SPIN1: variants seen among roughly 807,000 people sequenced by gnomAD.
SPIN1 encodes the protein spindlin 1.
A neutral mutation model predicts 26.0 loss-of-function variants in SPIN1; 3 were observed. The observed-to-expected ratio is 0.12, with a 90% CI of 0.05 to 0.30. SPIN1 has a LOEUF of 0.30. SPIN1 is among the 10% of genes least tolerant of loss of function. The pLI, the probability that SPIN1 is intolerant of heterozygous loss-of-function variation, is 1.00. For synonymous variants in SPIN1, 101 were observed against 116.5 expected (o/e 0.87, Z 0.86); for missense variants, 126 against 333.4 (o/e 0.38, Z 4.84).
chr9:88,419,072 G>C (rs1345796687), intron 1 of SPIN1: 1 of 152,218 alleles, frequency 6.6e-6, no homozygotes, highest in African/African-American at 2.4e-5. Context: ...CCTGGATACT[G>C]TTAGATAAGA....
chr9:88,470,622 T>G (rs922788815), intron 5 of SPIN1, among the ~76,000 whole-genome samples: 4 of 148,616 alleles, frequency 2.7e-5, no homozygotes, highest in Admixed American at 1.3e-4. Context: ...TGAGACAGAG[T>G]CTTGCTCTGT....
At chr9:88,430,470 C>A (rs1218948261) in intron 2 of SPIN1, among the ~76,000 whole-genome samples, 1 of 152,154 alleles carries the variant, frequency 6.6e-6, no homozygotes, top group Non-Finnish European at 1.5e-5. Flanking sequence ...AGGGAGGGAG[C>A]ATAGACACTA....
intron 1 of SPIN1, among the ~76,000 whole-genome samples, chr9:88,425,400 C>T (rs1827745072): frequency 6.6e-6 from 1 of 152,056 alleles, no homozygotes; most frequent in South Asian, 2.1e-4. Flanking sequence ...CTGCTTCTGG[C>T]AGGGTGCAGT....
chr9:88,401,499 A>G (rs12349098), intron 1 of SPIN1, among the ~76,000 whole-genome samples: 1,769 of 152,310 alleles, frequency 0.012, 30 homozygotes, highest in African/African-American at 0.041. Flanking sequence ...AAAATGGTGT[A>G]GTATTTGCAT....
chr9:88,425,492 A>T (rs1827746305), intron 1 of SPIN1, among the ~76,000 whole-genome samples: 1 of 152,088 alleles, frequency 6.6e-6, no homozygotes, highest in African/African-American at 2.4e-5. Flanking sequence ...ATCCTGACCA[A>T]CATGGTGAAA....
intron 5 of SPIN1, 34 bp from the exon 6 acceptor site, chr9:88,475,044 T>G (rs1292091675): frequency 2.2e-6 from 3 of 1,351,604 alleles, no homozygotes; most frequent in Non-Finnish European, 2.9e-6. Context: ...TTTCTCTCTC[T>G]CTCTTTTTTT....
chr9:88,405,574 G>A (rs528028060), intron 1 of SPIN1, among the ~76,000 whole-genome samples: 1 of 107,064 alleles, frequency 9.3e-6, no homozygotes, highest in East Asian at 2.6e-4. Context: ...ACAGAGTTTC[G>A]CTCTCGTTAC....
In SPIN1 at chr9:88,476,253, G is replaced by A. The variant is rs1828887402; in HGVS notation, c.*976G>A. 1 of 152,174 alleles carries A rather than the reference G, an allele frequency of 6.6e-6. No homozygotes were observed. The highest frequency in any genetic ancestry group is 1.5e-5 in the Non-Finnish European group (1 of 68,024). The allele number at this position is 152,174 out of a possible 1,614,324, so 9.4% of individuals were successfully genotyped here. On this transcript the variant is annotated 3_prime_UTR_variant, in exon 6 of 6. Transcript: ENST00000375859. ...AAAGGCAACAATCCATCACTGGTTT[G>A]TGTGTTTTTGGTTAAGTTTCTGGAA...
At chr9:88,460,847 C>T (rs1010200498) in intron 3 of SPIN1, among the ~76,000 whole-genome samples, 1 of 152,236 alleles carries the variant, frequency 6.6e-6, no homozygotes, top group Non-Finnish European at 1.5e-5. Flanking sequence ...AATCTAGGCA[C>T]TCTGTGGCAC....
At chr9:88,443,547 A>G (rs1385723311) in intron 2 of SPIN1, among the ~76,000 whole-genome samples, 2 of 152,184 alleles carry the variant, frequency 1.3e-5, no homozygotes, top group East Asian at 1.9e-4. Flanking sequence ...GTAGTTGGTA[A>G]TTCCCTGCCT....
rs564975678 is a variant in SPIN1 at position 88,423,668 on chromosome 9, G to A, written c.-158-2714G>A. Among the ~76,000 whole-genome samples the A allele has an allele frequency of 2.0e-5, 3 of 151,332 alleles. No homozygotes were observed. In the South Asian group the frequency reaches 6.3e-4, roughly 32 times the overall value. On this transcript the variant is annotated intron_variant, in intron 1 of 5. Coordinates refer to ENST00000375859, the MANE Select transcript of SPIN1 (RefSeq NM_006717.3). ...TGGCCTCAGGTGATCTGCCCACCTC[G>A]GTCCCCCAAAGTGCTGGGATTACAG...
chr9:88,433,617 GGATT>G (rs990067895), intron 2 of SPIN1, among the ~76,000 whole-genome samples: 37 of 152,210 alleles, frequency 2.4e-4, no homozygotes, highest in African/African-American at 8.4e-4. Context: ...CTTTGGAGAT[GGATT>G]GTCAGGTGTC....
chr9:88,421,313 G>A (rs1466493420), intron 1 of SPIN1, among the ~76,000 whole-genome samples: 1 of 152,080 alleles, frequency 6.6e-6, no homozygotes, highest in Non-Finnish European at 1.5e-5. Context: ...GTGTCTGTGT[G>A]TTTTTTCTTT....
intron 1 of SPIN1, among the ~76,000 whole-genome samples, chr9:88,420,619 A>G (rs954961608): frequency 5.3e-5 from 8 of 152,250 alleles, no homozygotes; most frequent in African/African-American, 1.9e-4. Flanking sequence ...CCAATTTAAA[A>G]GAGTTTATTT....
At chr9:88,409,290 C>T (rs921574357) in intron 1 of SPIN1, among the ~76,000 whole-genome samples, 33 of 151,902 alleles carry the variant, frequency 2.2e-4, no homozygotes, top group East Asian at 3.9e-4. Flanking sequence ...CCACTGTGCC[C>T]GGCCTGCTTT....
At chr9:88,451,440 CT>C (rs1002613098) in intron 3 of SPIN1, among the ~76,000 whole-genome samples, 3 of 152,100 alleles carry the variant, frequency 2.0e-5, no homozygotes, top group African/African-American at 7.2e-5. Flanking sequence ...TAGAAGCAAG[CT>C]TTTTTTTCCT....
At chr9:88,409,632 A>G (rs948425070) in intron 1 of SPIN1, among the ~76,000 whole-genome samples, 3 of 151,632 alleles carry the variant, frequency 2.0e-5, no homozygotes, top group African/African-American at 7.3e-5. Flanking sequence ...TCAGGAGATG[A>G]AGACTGTCCT....
intron 2 of SPIN1, among the ~76,000 whole-genome samples, chr9:88,432,611 G>A (rs1827904522): frequency 6.6e-6 from 1 of 151,756 alleles, no homozygotes; most frequent in Non-Finnish European, 1.5e-5. Flanking sequence ...AGCCTCTGGA[G>A]TAACTGGGAT....
chr9:88,395,628 T>G (rs1827036952), intron 1 of SPIN1, among the ~76,000 whole-genome samples: 1 of 152,086 alleles, frequency 6.6e-6, no homozygotes, highest in African/African-American at 2.4e-5. Context: ...TTTAATTTTT[T>G]GTAGAGATGA....
Sources: allele counts gnomAD v4.1 joint callset (sites outside exome capture counted in the v4.1 genomes callset), GRCh38; gene constraint gnomAD v4.1.1; transcripts MANE v1.5; gene names NCBI Gene and HGNC (gene_info 2026-07-23, HGNC 2026-07-21).